Variants in TNRC6B observed in about 807,000 individuals in gnomAD.
TNRC6B encodes trinucleotide repeat containing adaptor 6B, also known as trinucleotide repeat-containing gene 6B protein.
Under a neutral mutation model 203.6 loss-of-function variants are expected in TNRC6B, and 52 were observed. The ratio of observed to expected loss-of-function variants is 0.26; its 90% CI spans 0.20 to 0.32. The LOEUF (loss-of-function observed/expected upper bound fraction) is 0.32. Among genes scored for constraint, TNRC6B ranks in the 10% least tolerant of loss-of-function variants. The pLI is 1.00. For missense variants in TNRC6B, 1,923 were observed against 2,286.2 expected (o/e 0.84, Z 3.24); for synonymous variants, 838 against 845.7 (o/e 0.99, Z 0.16).
chr22:40,289,080 G>A (rs2070832860), intron 12 of TNRC6B, among the ~76,000 whole-genome samples: 1 of 152,116 alleles, frequency 6.6e-6, no homozygotes, highest in East Asian at 1.9e-4. Flanking sequence ...CTCCCAAAGT[G>A]CTGGGATTAC....
At chr22:40,234,298 A>C (rs1716319100) in intron 1 of TNRC6B, among the ~76,000 whole-genome samples, 1 of 152,146 alleles carries the variant, frequency 6.6e-6, no homozygotes, top group Admixed American at 6.6e-5. Flanking sequence ...AACAAACAAA[A>C]ACTTCACTAA....
chr22:40,231,814 T>C (rs538575579), intron 1 of TNRC6B, among the ~76,000 whole-genome samples: 1 of 152,380 alleles, frequency 6.6e-6, no homozygotes, highest in African/African-American at 2.4e-5. Context: ...TGCATGCAGC[T>C]ATGGCTTTAG....
At chr22:40,068,532 G>A (rs573964038) in intron 1 of TNRC6B, among the ~76,000 whole-genome samples, 2 of 152,158 alleles carry the variant, frequency 1.3e-5, no homozygotes, top group African/African-American at 4.8e-5. Flanking sequence ...TGGCCAGGCT[G>A]GTCTCGAACT....
At chr22:40,154,107 C>G (rs1375671186) in intron 3 of TNRC6B, among the ~76,000 whole-genome samples, 2 of 151,822 alleles carry the variant, frequency 1.3e-5, no homozygotes, top group Admixed American at 6.6e-5. Flanking sequence ...CCTCTGTCCC[C>G]CGAAGTAGCT....
At position 40,327,064 on chromosome 22, in the gene TNRC6B, T is replaced by TCC. The variant is rs1475509403; in HGVS notation, c.*3825_*3826dup. 6.6e-6 allele frequency: 1 copy of TCC among 152,638 alleles called. No individual in the cohort carries two copies. The highest frequency in any genetic ancestry group is 1.5e-5 in the Non-Finnish European group (1 of 68,032). The allele number at this position is 152,638 out of a possible 1,614,324, so 9.5% of individuals were successfully genotyped here. On this transcript the variant is annotated 3_prime_UTR_variant, in exon 23 of 23. Transcript: ENST00000454349. ...CCCTCCTGGGGCCAGGGGTCAGAAT[T>TCC]CCCAAGCATGACCACAGCTTCTTTT...
intron 3 of TNRC6B, chr22:40,125,967 G>C (rs1728092480): frequency 1.7e-6 from 2 of 1,150,340 alleles, no homozygotes; most frequent in South Asian, 3.5e-5. Context: ...AAATTCGATT[G>C]AGTTAAATTA....
chr22:40,312,471 C>G (rs1294490525), intron 17 of TNRC6B, 34 bp from the exon 18 acceptor site: 1 of 1,579,720 alleles, frequency 6.3e-7, no homozygotes, highest in Non-Finnish European at 8.6e-7. Context: ...TTTTAACGAC[C>G]TTCCTTCTCT....
chr22:40,260,659 A>G (rs1233644041), intron 3 of TNRC6B, among the ~76,000 whole-genome samples: 1 of 152,112 alleles, frequency 6.6e-6, no homozygotes, highest in Non-Finnish European at 1.5e-5. Flanking sequence ...GGATGAAGGG[A>G]AGGGACCCTT....
intron 1 of TNRC6B, among the ~76,000 whole-genome samples, chr22:40,237,761 C>A (rs979925630): frequency 6.6e-6 from 1 of 152,122 alleles, no homozygotes. Context: ...CCCTGTCTCA[C>A]AGATGCCCGC....
At chr22:40,179,254 A>G (rs1051255690) in intron 1 of TNRC6B, among the ~76,000 whole-genome samples, 4 of 152,112 alleles carry the variant, frequency 2.6e-5, no homozygotes, top group East Asian at 1.9e-4. Context: ...TCCTCCCCCT[A>G]TCATTGTGAG....
chr22:40,297,981 C>T (rs1038280594), intron 12 of TNRC6B, among the ~76,000 whole-genome samples: 5 of 149,524 alleles, frequency 3.3e-5, no homozygotes, highest in Admixed American at 1.3e-4. Flanking sequence ...AAAAATTAGC[C>T]GGGCATGGTG....
At chr22:40,321,456 C>A (rs759705344) in intron 22 of TNRC6B, 5 of 489,658 alleles carry the variant, frequency 1.0e-5, no homozygotes, top group Non-Finnish European at 1.8e-5. Context: ...GAATTCCAAA[C>A]GTAAATAATT....
At chr22:40,169,043 A>G (rs555126168) in intron 4 of TNRC6B, among the ~76,000 whole-genome samples, 3 of 151,918 alleles carry the variant, frequency 2.0e-5, no homozygotes, top group African/African-American at 4.8e-5. Flanking sequence ...TAGTCCTAGC[A>G]TAGTACCTAC....
rs887741530 is a variant in TNRC6B at position 40,315,370 on chromosome 22, A to G, written c.4766A>G (p.His1589Arg). 3 of 1,613,828 alleles carry G rather than the reference A, an allele frequency of 1.9e-6. No individual in the cohort carries two copies. The highest frequency in any genetic ancestry group is 1.3e-5 in the African/African-American group (1 of 74,888). ...CTCTCCAACAAGATGTGGAAAAACC[A>G]TATTTCCTCCAGGAACACTACACCG... ...THLSNKMWKN[H>R]ISSRNTTPLP... is the part of the protein sequence containing the mutation. Residue 1589 changes from histidine to arginine, a missense_variant, in exon 20 of 23, where the codon CAT becomes CGT. Coordinates refer to ENST00000454349, the MANE Select transcript of TNRC6B (RefSeq NM_001162501.2).
intron 1 of TNRC6B, among the ~76,000 whole-genome samples, chr22:40,196,392 G>A (rs2069337954): frequency 6.6e-6 from 1 of 152,016 alleles, no homozygotes; most frequent in African/African-American, 2.4e-5. Flanking sequence ...AATCCTAATA[G>A]TTACTGGTAC....
chr22:40,315,854 T>C, intron 20 of TNRC6B, 88 bp from the exon 21 acceptor site: 3 of 992,850 alleles, frequency 3.0e-6, no homozygotes, highest in African/African-American at 1.6e-5. Flanking sequence ...AGAGAAGAAA[T>C]GTGAGCTACA....
chr22:40,204,044 G>A (rs1016368543), intron 1 of TNRC6B, among the ~76,000 whole-genome samples: 4 of 152,102 alleles, frequency 2.6e-5, no homozygotes, highest in African/African-American at 7.2e-5. Flanking sequence ...AAATAAAAGC[G>A]AATCAAAAAG....
intron 1 of TNRC6B, among the ~76,000 whole-genome samples, chr22:40,225,474 A>G (rs181971728): frequency 6.5e-4 from 99 of 152,344 alleles, no homozygotes; most frequent in African/African-American, 2.3e-3. Flanking sequence ...CACGCCAGTA[A>G]TCCCAGCACT....
intron 1 of TNRC6B, among the ~76,000 whole-genome samples, chr22:40,072,408 T>A (rs73422354): frequency 0.044 from 6,707 of 152,266 alleles, 447 homozygotes; most frequent in African/African-American, 0.14. Context: ...CCCAAGGATG[T>A]TGTTGACATT....
Sources: gnomAD v4.1 joint callset for allele counts (sites outside exome capture counted in the v4.1 genomes callset) on GRCh38, gnomAD v4.1.1 for gene constraint, MANE v1.5 for transcripts, NCBI Gene and HGNC (gene_info 2026-07-23, HGNC 2026-07-21) for gene names.